Variants in RASSF3 observed in about 807,000 individuals in gnomAD.
RASSF3 encodes the protein Ras association domain family member 3.
Under a neutral mutation model 19.9 loss-of-function variants are expected in RASSF3, and 19 were observed. That is an observed-to-expected ratio of 0.96 (90% CI 0.67 to 1.40). The LOEUF is 1.40. RASSF3 is among the 40% of genes most tolerant of loss of function. The pLI is 0.00. For synonymous variants in RASSF3, 110 were observed against 104.2 expected (o/e 1.06, Z -0.34); for missense variants, 306 against 289.8 (o/e 1.06, Z -0.41).
chr12:64,621,215 C>T (rs1373826911), intron 1 of RASSF3, among the ~76,000 whole-genome samples: 2 of 152,224 alleles, frequency 1.3e-5, no homozygotes, highest in African/African-American at 4.8e-5. Flanking sequence ...AGATTACAGA[C>T]GTGAGGCACT....
downstream of RASSF3, among the ~76,000 whole-genome samples, chr12:64,546,591 A>G (rs1285434076): frequency 7.2e-5 from 11 of 152,232 alleles, no homozygotes; most frequent in Middle Eastern, 6.3e-3. Flanking sequence ...TTAATAGTCT[A>G]TCAAATCAGT....
intron 2 of RASSF3, 83 bp from the exon 3 acceptor site, chr12:64,688,133 C>G: frequency 4.4e-6 from 4 of 916,424 alleles, no homozygotes; most frequent in East Asian, 2.4e-5. Flanking sequence ...GAGTGTTTCA[C>G]CTTCCCGTTT....
Position 64,549,799 on chromosome 12 carries a change from TTGTC to T in RASSF3, c.294+8098_294+8101del, listed in dbSNP as rs1390090892. ...AGCTCTAGCATTGACTCCTATATGT[TTGTC>T]TGTGTGCCACGGATTCAAAGAAAAA... is the stretch of plus-strand genomic sequence containing the variant. On this transcript the variant is annotated intron_variant, in intron 2 of 5. Transcript: ENST00000637125. Among the ~76,000 whole-genome samples, 16 of 152,312 alleles carry T rather than the reference TTGTC, an allele frequency of 1.1e-4. No homozygotes were observed. In the East Asian group the frequency reaches 1.5e-3, roughly 15 times the overall value.
chr12:64,639,758 A>G (rs1262296476), intron 1 of RASSF3, among the ~76,000 whole-genome samples: 1 of 152,104 alleles, frequency 6.6e-6, no homozygotes, highest in Non-Finnish European at 1.5e-5. Flanking sequence ...GTTTTTAGAA[A>G]TTTTATGTAA....
intron 1 of RASSF3, among the ~76,000 whole-genome samples, chr12:64,683,556 G>A (rs757016520): frequency 5.9e-5 from 9 of 152,158 alleles, no homozygotes; most frequent in Non-Finnish European, 1.3e-4. Context: ...TTTGGAAGAT[G>A]AATTATCCTC....
At chr12:64,614,484 T>G (rs2136156563) in intron 1 of RASSF3, among the ~76,000 whole-genome samples, 1 of 152,218 alleles carries the variant, frequency 6.6e-6, no homozygotes, top group East Asian at 1.9e-4. Flanking sequence ...AAAAACTGTA[T>G]GAAACATTAA....
At chr12:64,556,229 T>C (rs1869253960) in intron 2 of RASSF3, among the ~76,000 whole-genome samples, 1 of 152,080 alleles carries the variant, frequency 6.6e-6, no homozygotes, top group Non-Finnish European at 1.5e-5. Context: ...GCCGTGATCA[T>C]GGCTCACTGC....
chr12:64,533,020 G>A (rs1246068782), upstream of RASSF3, among the ~76,000 whole-genome samples: 4 of 152,202 alleles, frequency 2.6e-5, no homozygotes, highest in African/African-American at 4.8e-5. Flanking sequence ...TCTCAGAGAC[G>A]CTCCCTCAGC....
intron 1 of RASSF3, among the ~76,000 whole-genome samples, chr12:64,537,288 G>A (rs1417700643): frequency 6.6e-6 from 1 of 152,270 alleles, no homozygotes; most frequent in Middle Eastern, 3.4e-3. Context: ...AGAACTTAAC[G>A]TGGTACATCA....
chr12:64,549,025 G>A (rs953078896), intron 2 of RASSF3, among the ~76,000 whole-genome samples: 1 of 152,154 alleles, frequency 6.6e-6, no homozygotes, highest in Non-Finnish European at 1.5e-5. Flanking sequence ...GAAAGGGAAG[G>A]TCTGAGTGAA....
intron 1 of RASSF3, among the ~76,000 whole-genome samples, chr12:64,631,377 A>G (rs1343999919): frequency 6.6e-6 from 1 of 152,090 alleles, no homozygotes; most frequent in African/African-American, 2.4e-5. Flanking sequence ...GGAGGCGTAC[A>G]GTCACACTGC....
downstream of RASSF3, among the ~76,000 whole-genome samples, chr12:64,544,627 AAAG>A (rs1164317703): frequency 6.6e-6 from 1 of 152,132 alleles, no homozygotes; most frequent in Non-Finnish European, 1.5e-5. Context: ...CAAAAAAAAA[AAAG>A]GCTATTTTTT....
chr12:64,532,343 TGTGAA>T (rs145301904), upstream of RASSF3, among the ~76,000 whole-genome samples: 3,763 of 152,296 alleles, frequency 0.025, 148 homozygotes, highest in African/African-American at 0.085. Flanking sequence ...TAACCTATCA[TGTGAA>T]GTGGAGTTTC....
At chr12:64,543,516 C>G (rs1372197490), downstream of RASSF3, among the ~76,000 whole-genome samples, 10 of 90,988 alleles carry the variant, frequency 1.1e-4, no homozygotes, top group Non-Finnish European at 2.2e-4. Flanking sequence ...CTCCCCCCGC[C>G]GCCCCCCGCT....
intron 1 of RASSF3, among the ~76,000 whole-genome samples, chr12:64,517,596 C>T (rs1565830567): frequency 6.6e-6 from 1 of 151,074 alleles, no homozygotes. Flanking sequence ...AGTAGGTATA[C>T]TGTACATACA....
At chr12:64,536,033 C>CT (rs1868819463) in intron 1 of RASSF3, among the ~76,000 whole-genome samples, 8 of 104,122 alleles carry the variant, frequency 7.7e-5, no homozygotes, top group South Asian at 3.3e-4. Context: ...GAGTCTTGCT[C>CT]TGTTGCCCAG....
chr12:64,630,077 A>G (rs1270145647), intron 1 of RASSF3: 1 of 152,152 alleles, frequency 6.6e-6, no homozygotes, highest in Non-Finnish European at 1.5e-5. Flanking sequence ...CAGATCCTAA[A>G]TGTTTCAGTT....
At chr12:64,686,182 GTTT>G (rs202133160) in intron 2 of RASSF3, among the ~76,000 whole-genome samples, 1 of 146,246 alleles carries the variant, frequency 6.8e-6, no homozygotes. Flanking sequence ...CACTTGCTAT[GTTT>G]TTTTTTTTTC....
intron 2 of RASSF3, among the ~76,000 whole-genome samples, chr12:64,572,143 C>T (rs183183339): frequency 3.8e-4 from 58 of 152,102 alleles, no homozygotes; most frequent in Middle Eastern, 6.8e-3. Flanking sequence ...TTATTTATGT[C>T]TTCTTATTAG....
Sources: allele counts gnomAD v4.1 joint callset (sites outside exome capture counted in the v4.1 genomes callset), GRCh38; gene constraint gnomAD v4.1.1; transcripts MANE v1.5; gene names NCBI Gene and HGNC (gene_info 2026-07-23, HGNC 2026-07-21).